Variants in CNTN5 observed in about 807,000 individuals in gnomAD.
The protein encoded by CNTN5 is contactin-5.
A neutral mutation model predicts 129.1 loss-of-function variants in CNTN5; 77 were observed. The observed-to-expected ratio is 0.60, with a 90% CI of 0.50 to 0.72. The LOEUF is 0.72. Among genes scored for constraint, CNTN5 ranks in the 30% least tolerant of loss-of-function variants. CNTN5 has a pLI of 0.00. For missense variants in CNTN5, 1,478 were observed against 1,328.8 expected, an observed-to-expected ratio of 1.11 and a Z score of -1.75; for synonymous variants, 509 against 465.6, an observed-to-expected ratio of 1.09 and a Z score of -1.20.
intron 2 of CNTN5, among the ~76,000 whole-genome samples, chr11:99,424,846 T>C (rs867253855): frequency 1.3e-5 from 2 of 152,228 alleles, no homozygotes; most frequent in African/African-American, 4.8e-5. Flanking sequence ...TCTTGTTCTA[T>C]GTCCAGGAAG....
intron 13 of CNTN5, among the ~76,000 whole-genome samples, chr11:100,184,974 G>A (rs528549024): frequency 1.1e-4 from 16 of 151,434 alleles, no homozygotes; most frequent in Non-Finnish European, 1.6e-4. Context: ...CATGAGGACT[G>A]ATGGTTTTAT....
intron 3 of CNTN5, among the ~76,000 whole-genome samples, chr11:99,796,334 A>T (rs995010472): frequency 6.6e-6 from 1 of 152,066 alleles, no homozygotes; most frequent in Non-Finnish European, 1.5e-5. Context: ...GCATACACAC[A>T]TGTACATCCA....
chr11:99,620,454 C>T (rs1950906655), intron 3 of CNTN5, among the ~76,000 whole-genome samples: 1 of 116,686 alleles, frequency 8.6e-6, no homozygotes, highest in Non-Finnish European at 1.9e-5. Flanking sequence ...TAGTATTTTG[C>T]TTTCTGAGTA....
chr11:99,362,713 C>T (rs553114456), intron 2 of CNTN5, among the ~76,000 whole-genome samples: 2 of 151,310 alleles, frequency 1.3e-5, no homozygotes, highest in Non-Finnish European at 2.9e-5. Context: ...ATATAAAGTA[C>T]AGGTCCAACT....
chr11:99,766,515 T>A (rs1944760834), intron 3 of CNTN5, among the ~76,000 whole-genome samples: 1 of 152,166 alleles, frequency 6.6e-6, no homozygotes, highest in South Asian at 2.1e-4. Context: ...ATACTATTAT[T>A]TTATACTGAA....
intron 3 of CNTN5, among the ~76,000 whole-genome samples, chr11:99,644,906 T>G (rs1565383037): frequency 6.6e-6 from 1 of 152,024 alleles, no homozygotes; most frequent in Non-Finnish European, 1.5e-5. Flanking sequence ...GCACTTCGTA[T>G]TTTAAATACC....
chr11:99,144,415 T>C (rs1362282584), intron 1 of CNTN5, among the ~76,000 whole-genome samples: 1 of 152,210 alleles, frequency 6.6e-6, no homozygotes, highest in Non-Finnish European at 1.5e-5. Context: ...AAAAAGGATA[T>C]TTCAAGAATG....
At chr11:99,569,136 G>T (rs1426565247) in intron 3 of CNTN5, among the ~76,000 whole-genome samples, 1 of 151,832 alleles carries the variant, frequency 6.6e-6, no homozygotes, top group East Asian at 1.9e-4. Flanking sequence ...TTCAGCATTT[G>T]AATATTTTGC....
chr11:100,096,267 A>C (rs1157582657), intron 13 of CNTN5, among the ~76,000 whole-genome samples: 1 of 152,004 alleles, frequency 6.6e-6, no homozygotes. Context: ...CCTAGGCTTC[A>C]TTTTCCACAT....
intron 9 of CNTN5, among the ~76,000 whole-genome samples, chr11:100,015,505 G>A (rs1008894699): frequency 1.3e-5 from 2 of 152,118 alleles, no homozygotes; most frequent in African/African-American, 4.8e-5. Context: ...TAAGAGCAAA[G>A]TGCACACACT....
intron 8 of CNTN5, among the ~76,000 whole-genome samples, chr11:99,981,910 A>T (rs903228728): frequency 1.3e-5 from 2 of 152,202 alleles, no homozygotes; most frequent in Non-Finnish European, 2.9e-5. Flanking sequence ...AGTTAACAAT[A>T]AATTATCTCA....
At chr11:100,294,172 T>C (rs759851154) in intron 18 of CNTN5, among the ~76,000 whole-genome samples, 1 of 151,578 alleles carries the variant, frequency 6.6e-6, no homozygotes, top group Non-Finnish European at 1.5e-5. Context: ...GTAATATAAA[T>C]TGGAAATTTT....
At chr11:100,351,951 T>G (rs1952426115) in intron 24 of CNTN5, among the ~76,000 whole-genome samples, 1 of 151,354 alleles carries the variant, frequency 6.6e-6, no homozygotes, top group Non-Finnish European at 1.5e-5. Flanking sequence ...ATAAATACAG[T>G]GTAGAAAAGA....
chr11:100,117,652 G>C (rs1313489389), intron 13 of CNTN5, among the ~76,000 whole-genome samples: 1 of 151,592 alleles, frequency 6.6e-6, no homozygotes, highest in East Asian at 1.9e-4. Context: ...ATAATAGCTG[G>C]ACTTAAGAAT....
In CNTN5 at chr11:100,173,550, C is replaced by T. The variant is rs547369640; in HGVS notation, c.1581-17576C>T. Reference sequence around the variant, plus strand: ...AGAAAGGCAAGAGTATGCAAGTTTCCCGTGGGTTGGATGGATGGACTTTGG... The same window carrying T: ...AGAAAGGCAAGAGTATGCAAGTTTCTCGTGGGTTGGATGGATGGACTTTGG... On this transcript the variant is annotated intron_variant, in intron 13 of 24. Transcript: ENST00000524871. 5.3e-5 allele frequency among the ~76,000 whole-genome samples: 8 copies of T among 152,136 alleles called. No individual in the cohort carries two copies. In the East Asian group the frequency reaches 9.7e-4, roughly 18 times the overall value.
intron 4 of CNTN5, among the ~76,000 whole-genome samples, chr11:99,832,552 G>C (rs921499984): frequency 2.6e-5 from 4 of 152,130 alleles, no homozygotes; most frequent in Non-Finnish European, 5.9e-5. Flanking sequence ...AGGTTTTATA[G>C]TTTATACTTG....
At chr11:99,246,837 C>T (rs1264048851) in intron 1 of CNTN5, among the ~76,000 whole-genome samples, 2 of 152,064 alleles carry the variant, frequency 1.3e-5, no homozygotes, top group African/African-American at 2.4e-5. Context: ...TAATCATAGG[C>T]TAGTCTCTTT....
chr11:99,308,667 G>T (rs140468159), intron 1 of CNTN5, among the ~76,000 whole-genome samples: 6 of 152,074 alleles, frequency 3.9e-5, no homozygotes, highest in Non-Finnish European at 7.4e-5. Flanking sequence ...ATATTCAACC[G>T]TTATTTCTCC....
intron 3 of CNTN5, among the ~76,000 whole-genome samples, chr11:99,617,410 AT>A (rs1310231263): frequency 1.3e-5 from 2 of 152,132 alleles, no homozygotes; most frequent in Non-Finnish European, 1.5e-5. Flanking sequence ...TTGTTACATG[AT>A]TTTTGATAGA....
Sources: gnomAD v4.1 joint callset for allele counts (sites outside exome capture counted in the v4.1 genomes callset) on GRCh38, gnomAD v4.1.1 for gene constraint, MANE v1.5 for transcripts, NCBI Gene and HGNC (gene_info 2026-07-23, HGNC 2026-07-21) for gene names.